The following CFAP58 variants were observed in gnomAD, a reference collection of about 807,000 sequenced individuals.
CFAP58 encodes the protein cilia and flagella associated protein 58, also known as cilia- and flagella-associated protein 58.
A neutral mutation model predicts 119.5 loss-of-function variants in CFAP58; 88 were observed. The ratio of observed to expected loss-of-function variants is 0.74; its 90% CI spans 0.62 to 0.88. The LOEUF is 0.88. Ranked by LOEUF, CFAP58 falls within the 40% of genes least tolerant of loss-of-function variation. CFAP58 has a pLI of 0.00. For synonymous variants in CFAP58, 365 were observed against 366.3 expected (o/e 1.00, Z 0.04); for missense variants, 990 against 1,021.2 (o/e 0.97, Z 0.42).
intron 9 of CFAP58, among the ~76,000 whole-genome samples, chr10:104,390,049 A>G (rs551687202): frequency 6.6e-6 from 1 of 152,340 alleles, no homozygotes; most frequent in East Asian, 1.9e-4. Context: ...TGTTACAGCC[A>G]TTTTGGAAAG....
the CFAP58 span, among the ~76,000 whole-genome samples, chr10:104,341,119 G>A: frequency 6.6e-6 from 1 of 152,128 alleles, no homozygotes; most frequent in South Asian, 2.1e-4. Flanking sequence ...GAATCCCCTT[G>A]GCCCTGTCAG....
intron 17 of CFAP58, among the ~76,000 whole-genome samples, chr10:104,450,496 G>T (rs912536076): frequency 2.0e-5 from 3 of 152,100 alleles, no homozygotes; most frequent in Non-Finnish European, 2.9e-5. Context: ...CTAGTCTATG[G>T]TTTGGAGATA....
intron 9 of CFAP58, among the ~76,000 whole-genome samples, chr10:104,380,784 C>T (rs1218520485): frequency 1.3e-5 from 2 of 152,114 alleles, no homozygotes; most frequent in Non-Finnish European, 2.9e-5. Context: ...ATTGCTTGAG[C>T]CTGGGAGCTT....
At chr10:104,447,583 T>G in intron 15 of CFAP58, 115 bp from the exon 16 acceptor site, 7 of 1,231,196 alleles carry the variant, frequency 5.7e-6, no homozygotes, top group Non-Finnish European at 8.1e-6. Flanking sequence ...GTGATCACTG[T>G]GGAGCTGTGA....
Position 104,446,520 on chromosome 10 carries a change from T to A in CFAP58, c.2257-1178T>A, listed in dbSNP as rs533465773. Among the ~76,000 whole-genome samples, 5 of 152,366 alleles carry A rather than the reference T, an allele frequency of 3.3e-5. No homozygotes were observed. The East Asian group carries it at 9.6e-4, about 29-fold the overall frequency. ...TTCACCTGATTTTTTATGACTTTTATATTTTCTGCTAAAAGCAGATTATTT... is the reference window on the plus strand; with the variant it reads ...TTCACCTGATTTTTTATGACTTTTAAATTTTCTGCTAAAAGCAGATTATTT... On this transcript the variant is annotated intron_variant, in intron 15 of 17. Transcript: ENST00000369704.
At chr10:104,401,764 T>C (rs531303856) in intron 13 of CFAP58, among the ~76,000 whole-genome samples, 8 of 151,874 alleles carry the variant, frequency 5.3e-5, no homozygotes, top group African/African-American at 1.2e-4. Flanking sequence ...TTTTCTTTTT[T>C]TTTTTCTTTT....
chr10:104,418,901 G>A (rs954330295), intron 15 of CFAP58, among the ~76,000 whole-genome samples: 6 of 152,200 alleles, frequency 3.9e-5, no homozygotes, highest in Non-Finnish European at 7.3e-5. Context: ...GAGGTACAGT[G>A]TAAGATGAAA....
intron 15 of CFAP58, among the ~76,000 whole-genome samples, chr10:104,431,618 A>AT (rs1272157558): frequency 2.6e-5 from 4 of 152,150 alleles, no homozygotes; most frequent in Non-Finnish European, 5.9e-5. Context: ...TTTGTTTCAG[A>AT]TTTTTTAAAA....
chr10:104,453,897 T>C (rs1038285161), intron 17 of CFAP58, among the ~76,000 whole-genome samples: 8 of 152,156 alleles, frequency 5.3e-5, no homozygotes, highest in African/African-American at 1.9e-4. Flanking sequence ...GCTTTTCTTG[T>C]ATCTTCAACT....
chr10:104,361,944 G>A, intron 2 of CFAP58, 79 bp from the exon 3 acceptor site: 1 of 1,354,358 alleles, frequency 7.4e-7, no homozygotes, highest in Non-Finnish European at 1.0e-6. Flanking sequence ...TGTGGTCATG[G>A]TATTATTCTG....
At chr10:104,404,935 A>G (rs1423181935) in intron 14 of CFAP58, among the ~76,000 whole-genome samples, 1 of 152,212 alleles carries the variant, frequency 6.6e-6, no homozygotes, top group African/African-American at 2.4e-5. Context: ...TAAGAATGGA[A>G]AAGACAATAT....
chr10:104,428,494 T>G (rs1470151182), intron 15 of CFAP58, among the ~76,000 whole-genome samples: 1 of 152,244 alleles, frequency 6.6e-6, no homozygotes, highest in African/African-American at 2.4e-5. Flanking sequence ...GAATAAGCCA[T>G]GCAAGACCTC....
At chr10:104,360,848 T>G (rs113093830) in intron 2 of CFAP58, among the ~76,000 whole-genome samples, 3,240 of 152,244 alleles carry the variant, frequency 0.021, 128 homozygotes, top group African/African-American at 0.074. Flanking sequence ...ATTTCATGGT[T>G]TATATGTACT....
At chr10:104,362,321 T>C (rs1378605047) in intron 3 of CFAP58, 150 bp downstream of exon 3, 8 of 683,290 alleles carry the variant, frequency 1.2e-5, no homozygotes, top group Non-Finnish European at 4.6e-6. Flanking sequence ...TTTCTGTCTG[T>C]TGCATTTTAA....
At chr10:104,430,869 T>C (rs570012316) in intron 15 of CFAP58, among the ~76,000 whole-genome samples, 19 of 152,350 alleles carry the variant, frequency 1.2e-4, no homozygotes, top group African/African-American at 4.3e-4. Context: ...CACTTCAACA[T>C]GAAATGAATT....
Position 104,393,338 on chromosome 10 carries a change from A to C in CFAP58, c.1537A>C (p.Thr513Pro). 6.2e-7 allele frequency: 1 copy of C among 1,612,888 alleles called. No individual in the cohort carries two copies. The change falls in exon 11 of 18, where the codon ACA (threonine) becomes CCA (proline). Residue 513 changes from threonine to proline, a missense_variant. Transcript: ENST00000369704. The part of the protein sequence containing the change: ...KNLVEAQDEI[T>P]DMKRKLKIMI... ...CCTTTCATTTGGTTAGGATGAAATA[A>C]CAGATATGAAGAGAAAGTTAAAGAT...
At chr10:104,414,784 C>T (rs2133060088) in intron 15 of CFAP58, among the ~76,000 whole-genome samples, 1 of 152,352 alleles carries the variant, frequency 6.6e-6, no homozygotes, top group African/African-American at 2.4e-5. Context: ...ATTCTCCTGC[C>T]TCAGCCTCCC....
At chr10:104,341,178 C>T in the CFAP58 span, among the ~76,000 whole-genome samples, 1 of 152,106 alleles carries the variant, frequency 6.6e-6, no homozygotes, top group Non-Finnish European at 1.5e-5. Context: ...GCAGAATAAA[C>T]AACTCCCATT....
At chr10:104,367,125 C>G (rs2014761147) in intron 5 of CFAP58, among the ~76,000 whole-genome samples, 1 of 152,096 alleles carries the variant, frequency 6.6e-6, no homozygotes, top group Admixed American at 6.6e-5. Context: ...TCCCAGGGTG[C>G]TAGGATTACA....
Sources: allele counts gnomAD v4.1 joint callset (sites outside exome capture counted in the v4.1 genomes callset), GRCh38; gene constraint gnomAD v4.1.1; transcripts MANE v1.5; gene names NCBI Gene and HGNC (gene_info 2026-07-23, HGNC 2026-07-21).